The following NFATC3 variants were observed in gnomAD, a reference collection of about 807,000 sequenced individuals.
NFATC3 encodes nuclear factor of activated T-cells, cytoplasmic 3.
In NFATC3, 46 loss-of-function variants were observed where a neutral mutation model predicts 98.6. The observed-to-expected ratio is 0.47, with a 90% CI of 0.37 to 0.60. The LOEUF is 0.60. NFATC3 is among the 20% of genes least tolerant of loss of function. The pLI is 0.00. For missense variants in NFATC3, 1,256 were observed against 1,295.5 expected (o/e 0.97, Z 0.47); for synonymous variants, 512 against 472.2 (o/e 1.08, Z -1.09).
At chr16:68,126,641 T>C in intron 3 of NFATC3, 31 bp downstream of exon 3, 1 of 1,610,302 alleles carries the variant, frequency 6.2e-7, no homozygotes, top group Non-Finnish European at 8.5e-7. Context: ...GTTTTGCAGA[T>C]ACCATACACC....
intron 6 of NFATC3, among the ~76,000 whole-genome samples, 199 bp from the exon 7 acceptor site, chr16:68,181,276 C>T (rs890016857): frequency 2.0e-5 from 3 of 152,198 alleles, no homozygotes; most frequent in African/African-American, 7.2e-5. Context: ...TCAGTGGGAT[C>T]TGCTAACCTG....
intron 1 of NFATC3, among the ~76,000 whole-genome samples, chr16:68,109,598 T>G (rs1452219790): frequency 6.6e-6 from 1 of 152,206 alleles, no homozygotes; most frequent in African/African-American, 2.4e-5. Flanking sequence ...TAAAATGAGT[T>G]AGGGAGTAGT....
At chr16:68,183,029 A>T (rs2151628350) in intron 7 of NFATC3, among the ~76,000 whole-genome samples, 1 of 152,284 alleles carries the variant, frequency 6.6e-6, no homozygotes, top group East Asian at 1.9e-4. Flanking sequence ...GGGTGAGTAA[A>T]AAGCAATTTC....
rs1215475062 is a variant in NFATC3, at chr16:68,226,718, T to C, written c.*247T>C. ...TATATTTAACTAGGATACTTTTATA[T>C]GATGGGTGCTTTGAGTGTGAATGCA... is the stretch of plus-strand genomic sequence containing the variant. On this transcript the variant is annotated 3_prime_UTR_variant, in exon 10 of 10. Coordinates refer to ENST00000346183, the MANE Select transcript of NFATC3 (RefSeq NM_173165.3). 3.2e-6 allele frequency: 1 copy of C among 313,350 alleles called. No homozygotes were observed. Among genetic ancestry groups the C allele is most frequent in the Non-Finnish European group, 5.8e-6 (1 of 173,510 alleles). 19.4% of individuals were successfully genotyped at this position (313,350 alleles called of 1,614,324 possible). A position where few individuals can be genotyped will look rare whatever the true frequency, so the allele number is the denominator to read the frequency against.
intron 9 of NFATC3, among the ~76,000 whole-genome samples, chr16:68,193,926 G>A (rs889076037): frequency 6.6e-6 from 1 of 151,914 alleles, no homozygotes; most frequent in African/African-American, 2.4e-5. Flanking sequence ...TATGGGGTCC[G>A]GGGTGGGGGA....
At chr16:68,170,841 A>G (rs2151605065) in intron 5 of NFATC3, among the ~76,000 whole-genome samples, 1 of 152,116 alleles carries the variant, frequency 6.6e-6, no homozygotes, top group South Asian at 2.1e-4. Flanking sequence ...ACACACATAC[A>G]CACACAATGT....
At chr16:68,130,159 A>G (rs1567512802) in intron 3 of NFATC3, among the ~76,000 whole-genome samples, 1 of 152,086 alleles carries the variant, frequency 6.6e-6, no homozygotes, top group African/African-American at 2.4e-5. Context: ...TTTCTTTTGG[A>G]TATATACCCT....
At chr16:68,149,577 A>G (rs760491031) in intron 3 of NFATC3, among the ~76,000 whole-genome samples, 26 of 152,200 alleles carry the variant, frequency 1.7e-4, no homozygotes, top group African/African-American at 6.3e-4. Flanking sequence ...AAAAGATAAT[A>G]TATCTAACCT....
chr16:68,141,317 A>G (rs914426457), intron 3 of NFATC3, among the ~76,000 whole-genome samples: 8 of 152,188 alleles, frequency 5.3e-5, no homozygotes, highest in Non-Finnish European at 5.9e-5. Context: ...CTTTGTATAG[A>G]TACCTGGTAG....
intron 7 of NFATC3, among the ~76,000 whole-genome samples, chr16:68,181,866 G>A: frequency 6.6e-6 from 1 of 152,174 alleles, no homozygotes; most frequent in Middle Eastern, 3.2e-3. Flanking sequence ...GGTCAAGGCT[G>A]CAGTGAGCCA....
At chr16:68,217,756 C>T in intron 9 of NFATC3, 1 of 1,231,512 alleles carries the variant, frequency 8.1e-7, no homozygotes, top group Non-Finnish European at 1.0e-6. Flanking sequence ...TGAGTCTTAG[C>T]CCGAGGAAGG....
At chr16:68,167,807 G>GTTTTTTTTTTTTT (rs1263970399) in intron 5 of NFATC3, among the ~76,000 whole-genome samples, 1 of 23,586 alleles carries the variant, frequency 4.2e-5, no homozygotes, top group Non-Finnish European at 1.0e-4. Context: ...AACCGTATGT[G>GTTTTTTTTTTTTT]TTCTTTTTTT....
At chr16:68,165,645 C>T (rs2039157983) in intron 4 of NFATC3, among the ~76,000 whole-genome samples, 2 of 152,120 alleles carry the variant, frequency 1.3e-5, no homozygotes, top group Non-Finnish European at 2.9e-5. Context: ...ATCCACTCAC[C>T]TTGGCCTCCC....
At chr16:68,135,457 CAAAAAAAAAAA>C (rs60331468) in intron 3 of NFATC3, among the ~76,000 whole-genome samples, 7 of 78,696 alleles carry the variant, frequency 8.9e-5, no homozygotes, top group African/African-American at 1.1e-4. Context: ...GACTCCGTCT[CAAAAAAAAAAA>C]AAAAAAAAAA....
intron 3 of NFATC3, among the ~76,000 whole-genome samples, chr16:68,152,571 T>A (rs1330325661): frequency 6.6e-6 from 1 of 151,972 alleles, no homozygotes; most frequent in African/African-American, 2.4e-5. Context: ...AGTGTAGTCG[T>A]GCAATCATAG....
chr16:68,175,698 T>TA (rs1374456066), intron 6 of NFATC3, among the ~76,000 whole-genome samples: 1 of 151,792 alleles, frequency 6.6e-6, no homozygotes, highest in Non-Finnish European at 1.5e-5. Flanking sequence ...TAGCTGGGAT[T>TA]ACCGGCACAC....
chr16:68,143,231 GGAAA>G (rs1337320851), intron 3 of NFATC3, among the ~76,000 whole-genome samples: 42 of 140,520 alleles, frequency 3.0e-4, no homozygotes, highest in Admixed American at 1.9e-3. Flanking sequence ...AAAAAAAAAA[GGAAA>G]GAAAGAAAGG....
chr16:68,161,605 C>T (rs1481069010), intron 4 of NFATC3, among the ~76,000 whole-genome samples: 1 of 152,144 alleles, frequency 6.6e-6, no homozygotes, highest in African/African-American at 2.4e-5. Context: ...CAACACGTGG[C>T]CTATAACAAC....
chr16:68,173,086 A>G (rs1210758394), intron 5 of NFATC3, among the ~76,000 whole-genome samples: 1 of 150,966 alleles, frequency 6.6e-6, no homozygotes, highest in Non-Finnish European at 1.5e-5. Context: ...GTGAGACCCT[A>G]TCTCTACAAA....
Sources: allele counts gnomAD v4.1 joint callset (sites outside exome capture counted in the v4.1 genomes callset), GRCh38; gene constraint gnomAD v4.1.1; transcripts MANE v1.5; gene names NCBI Gene and HGNC (gene_info 2026-07-23, HGNC 2026-07-21).